The following PTPRT variants were observed in gnomAD, a reference collection of about 807,000 sequenced individuals.
PTPRT encodes receptor-type tyrosine-protein phosphatase T.
In PTPRT, 56 loss-of-function variants were observed where a neutral mutation model predicts 176.8. The ratio of observed to expected loss-of-function variants is 0.32; its 90% CI spans 0.26 to 0.40. The LOEUF (loss-of-function observed/expected upper bound fraction) is 0.40. Among genes scored for constraint, PTPRT ranks in the 10% least tolerant of loss-of-function variants. The pLI is 1.00. For missense variants in PTPRT, 1,540 were observed against 1,908.2 expected (o/e 0.81, Z 3.60); for synonymous variants, 783 against 739.0 (o/e 1.06, Z -0.96).
the PTPRT span, among the ~76,000 whole-genome samples, chr20:42,043,639 G>A: frequency 2.5e-3 from 379 of 152,260 alleles, no homozygotes; most frequent in South Asian, 7.5e-3. Context: ...TTGCAGAGCC[G>A]CTGTGGACAT....
At chr20:42,551,009 T>C (rs912784748) in intron 7 of PTPRT, among the ~76,000 whole-genome samples, 6 of 152,104 alleles carry the variant, frequency 3.9e-5, no homozygotes, top group African/African-American at 1.4e-4. Context: ...GTAATGTACT[T>C]AACCTCTCTA....
intron 9 of PTPRT, among the ~76,000 whole-genome samples, chr20:42,368,577 T>G (rs781406122): frequency 1.3e-5 from 2 of 152,140 alleles, no homozygotes; most frequent in African/African-American, 4.8e-5. Context: ...TTATTAAGAT[T>G]CAGAGTTCAC....
At chr20:43,102,050 A>G (rs1425195524) in intron 1 of PTPRT, among the ~76,000 whole-genome samples, 1 of 152,184 alleles carries the variant, frequency 6.6e-6, no homozygotes, top group East Asian at 1.9e-4. Context: ...CAGAAGGGCA[A>G]AAGGGCATGG....
chr20:42,749,462 C>T (rs978114493), intron 6 of PTPRT, among the ~76,000 whole-genome samples: 1 of 152,136 alleles, frequency 6.6e-6, no homozygotes. Context: ...CAGGGTCTAC[C>T]ATACTGGATT....
intron 9 of PTPRT, among the ~76,000 whole-genome samples, chr20:42,413,042 A>G (rs1317455350): frequency 1.3e-5 from 2 of 152,164 alleles, no homozygotes; most frequent in Non-Finnish European, 2.9e-5. Flanking sequence ...TATAGATAAT[A>G]TTTTTTGAAA....
chr20:42,305,346 G>A (rs1052299824), intron 12 of PTPRT, among the ~76,000 whole-genome samples: 4 of 151,244 alleles, frequency 2.6e-5, no homozygotes, highest in Non-Finnish European at 5.9e-5. Context: ...GTGTGACTCT[G>A]TCTCAAAAAA....
chr20:42,854,654 G>A (rs1395605041), intron 2 of PTPRT, among the ~76,000 whole-genome samples: 1 of 152,206 alleles, frequency 6.6e-6, no homozygotes, highest in Non-Finnish European at 1.5e-5. Context: ...CAGTACAGTA[G>A]CTAAAGCAAT....
intron 7 of PTPRT, among the ~76,000 whole-genome samples, chr20:42,508,124 T>TG (rs1246019782): frequency 1.4e-5 from 2 of 143,388 alleles, no homozygotes; most frequent in African/African-American, 2.5e-5. Flanking sequence ...GTAATTACCC[T>TG]TTTTGTGTGT....
chr20:42,214,073 C>G (rs1345996384), intron 15 of PTPRT, among the ~76,000 whole-genome samples: 1 of 152,086 alleles, frequency 6.6e-6, no homozygotes, highest in Non-Finnish European at 1.5e-5. Context: ...ATTATTAGTT[C>G]CATTTTACAG....
the PTPRT span, among the ~76,000 whole-genome samples, chr20:42,036,903 G>A: frequency 6.6e-6 from 1 of 152,168 alleles, no homozygotes; most frequent in Non-Finnish European, 1.5e-5. Flanking sequence ...AAATGGAAGA[G>A]GCAATAAAGA....
intron 1 of PTPRT, among the ~76,000 whole-genome samples, chr20:43,006,135 G>A (rs6072940): frequency 0.19 from 29,387 of 151,938 alleles, 2,932 homozygotes; most frequent in Middle Eastern, 0.22. Flanking sequence ...TATTTCCTAC[G>A]TTTTCCACCT....
chr20:43,084,528 A>T (rs1300434688), intron 1 of PTPRT, among the ~76,000 whole-genome samples: 1 of 152,144 alleles, frequency 6.6e-6, no homozygotes, highest in Non-Finnish European at 1.5e-5. Context: ...GCATGGGGGA[A>T]ACCGCCCCCA....
At chr20:43,169,504 G>C (rs771138165) in intron 1 of PTPRT, among the ~76,000 whole-genome samples, 3 of 152,144 alleles carry the variant, frequency 2.0e-5, no homozygotes, top group Admixed American at 1.3e-4. Context: ...TTCAACACTG[G>C]GGGTTATAAA....
intron 1 of PTPRT, among the ~76,000 whole-genome samples, chr20:43,165,843 A>G (rs547350887): frequency 6.6e-5 from 10 of 152,278 alleles, no homozygotes; most frequent in Admixed American, 1.3e-4. Flanking sequence ...TCAACAGGGA[A>G]TGGAACACTA....
At chr20:42,774,671 C>A (rs2077108215) in intron 4 of PTPRT, among the ~76,000 whole-genome samples, 1 of 152,234 alleles carries the variant, frequency 6.6e-6, no homozygotes, top group African/African-American at 2.4e-5. Flanking sequence ...CGATCCAGCC[C>A]CATACATTCA....
chr20:43,187,344 G>T (rs2015419176), intron 1 of PTPRT, among the ~76,000 whole-genome samples: 1 of 152,104 alleles, frequency 6.6e-6, no homozygotes, highest in Non-Finnish European at 1.5e-5. Flanking sequence ...TCAAGTTATT[G>T]TCATATTTAT....
At chr20:42,576,930 G>A (rs184227357) in intron 7 of PTPRT, among the ~76,000 whole-genome samples, 80 of 152,242 alleles carry the variant, frequency 5.3e-4, no homozygotes, top group Admixed American at 2.2e-3. Context: ...ACCGTCAGAT[G>A]AGGAAGACAG....
intron 1 of PTPRT, among the ~76,000 whole-genome samples, chr20:43,086,763 G>C (rs1201858238): frequency 1.3e-5 from 2 of 152,108 alleles, no homozygotes; most frequent in Non-Finnish European, 2.9e-5. Flanking sequence ...AACCTAGCAG[G>C]CTTAGAGCTT....
chr20:42,044,237 A>G, the PTPRT span, among the ~76,000 whole-genome samples: 1 of 152,240 alleles, frequency 6.6e-6, no homozygotes, highest in Non-Finnish European at 1.5e-5. Flanking sequence ...CTCCCTTGAC[A>G]ATGACTGTTG....
Sources: allele counts gnomAD v4.1 joint callset (sites outside exome capture counted in the v4.1 genomes callset), GRCh38; gene constraint gnomAD v4.1.1; transcripts MANE v1.5; gene names NCBI Gene and HGNC (gene_info 2026-07-23, HGNC 2026-07-21).